WWOX: variants seen among roughly 807,000 people sequenced by gnomAD.
The protein encoded by WWOX is WW domain-containing oxidoreductase.
A neutral mutation model predicts 46.2 loss-of-function variants in WWOX; 69 were observed. The observed-to-expected ratio is 1.49, with a 90% CI of 1.23 to 1.82. WWOX has a LOEUF of 1.82. WWOX is among the 40% of genes most tolerant of loss of function. WWOX has a pLI of 0.00. For synonymous variants in WWOX, 359 were observed against 202.6 expected, an observed-to-expected ratio of 1.77 and a Z score of -6.56; for missense variants, 919 against 542.6, an observed-to-expected ratio of 1.69 and a Z score of -6.89.
At chr16:79,074,614 T>C (rs1372452318) in intron 8 of WWOX, among the ~76,000 whole-genome samples, 1 of 151,768 alleles carries the variant, frequency 6.6e-6, no homozygotes, top group Non-Finnish European at 1.5e-5. Flanking sequence ...AAGCTAGGAA[T>C]ACTAAGAACC....
At position 79,007,830 on chromosome 16, in the gene WWOX, C is replaced by T. The variant is rs149163857; in HGVS notation, c.1057-203778C>T. On this transcript the variant is annotated intron_variant, in intron 8 of 8. Coordinates refer to ENST00000566780, the MANE Select transcript of WWOX (RefSeq NM_016373.4). ...ATGGTAGAGAAAGTAATCATCATAA[C>T]CTCTGCCCTTTATTAGTCACTCATG... is the stretch of plus-strand genomic sequence containing the variant. Among the ~76,000 whole-genome samples, 104 of 152,268 alleles carry T rather than the reference C, an allele frequency of 6.8e-4. 1 individual carries two copies. The highest frequency in any genetic ancestry group is 2.3e-3 in the African/African-American group (97 of 41,550).
chr16:78,112,703 C>CTT (rs1191825699), intron 3 of WWOX, among the ~76,000 whole-genome samples: 15 of 114,242 alleles, frequency 1.3e-4, no homozygotes, highest in Non-Finnish European at 2.5e-4. Context: ...AGTTTTCTTT[C>CTT]TTTTTTTTTT....
intron 8 of WWOX, among the ~76,000 whole-genome samples, chr16:78,882,557 C>T (rs113742182): frequency 1.3e-5 from 2 of 151,694 alleles, no homozygotes; most frequent in East Asian, 2.0e-4. Context: ...GCTCACTGCA[C>T]CCTCCTTCTC....
chr16:79,052,711 C>G (rs1402125958), intron 8 of WWOX, among the ~76,000 whole-genome samples: 1 of 152,196 alleles, frequency 6.6e-6, no homozygotes, highest in Non-Finnish European at 1.5e-5. Flanking sequence ...TCTCCTTTGT[C>G]CGGTGTTCTC....
At chr16:78,868,296 G>C (rs1305080069) in intron 8 of WWOX, among the ~76,000 whole-genome samples, 1 of 152,082 alleles carries the variant, frequency 6.6e-6, no homozygotes, top group Non-Finnish European at 1.5e-5. Flanking sequence ...CATAGTATAT[G>C]ATGACATTTA....
chr16:78,526,382 C>G lies in WWOX; in HGVS notation c.1056+93630C>G, dbSNP rs546581685. ...CACTGGCTGTGACAAAGAAGGACCC[C>G]TCATGTGGGGGCCTAATTCTAGTGA... On this transcript the variant is annotated intron_variant, in intron 8 of 8. Coordinates refer to ENST00000566780, the MANE Select transcript of WWOX (RefSeq NM_016373.4). The G allele has an allele frequency of 5.3e-5, 8 of 152,362 alleles. No homozygotes were observed. The East Asian group carries it at 1.2e-3, about 22-fold the overall frequency. The allele number at this position is 152,362 out of a possible 1,614,324, so 9.4% of individuals were successfully genotyped here.
At chr16:79,070,419 C>T (rs544930795) in intron 8 of WWOX, among the ~76,000 whole-genome samples, 6 of 152,216 alleles carry the variant, frequency 3.9e-5, no homozygotes, top group Non-Finnish European at 5.9e-5. Flanking sequence ...TTGGAAATGA[C>T]GTATCAGTCC....
rs1216103021 is a variant in WWOX at position 78,815,301 on chromosome 16, G to C, written c.1056+382549G>C. Among the ~76,000 whole-genome samples, 4 of 151,658 alleles carry C rather than the reference G, an allele frequency of 2.6e-5. 1 individual carries two copies. Among genetic ancestry groups the C allele is most frequent in the Admixed American group, 1.3e-4 (2 of 15,244 alleles). On this transcript the variant is annotated intron_variant, in intron 8 of 8. Transcript: ENST00000566780. ...GATTGTGCCACTGCACTCCAGCCTG[G>C]CTGAGAGAATGAAACTCTGTCTCGA...
intron 6 of WWOX, among the ~76,000 whole-genome samples, chr16:78,415,273 G>C (rs574140626): frequency 3.3e-5 from 5 of 152,118 alleles, no homozygotes; most frequent in African/African-American, 1.2e-4. Flanking sequence ...GGTGCTGGTG[G>C]GAGTGTCTCT....
chr16:78,876,119 A>G (rs542571164), intron 8 of WWOX, among the ~76,000 whole-genome samples: 2 of 152,260 alleles, frequency 1.3e-5, no homozygotes, highest in East Asian at 1.9e-4. Context: ...ACTAGTTTAC[A>G]TGACTTTCTT....
At chr16:78,204,838 G>A (rs2036342713) in intron 5 of WWOX, among the ~76,000 whole-genome samples, 1 of 152,222 alleles carries the variant, frequency 6.6e-6, no homozygotes, top group East Asian at 1.9e-4. Context: ...GTTAGACCCT[G>A]TTGATTTTTA....
At chr16:79,155,689 G>A (rs1429110408) in intron 8 of WWOX, among the ~76,000 whole-genome samples, 4 of 152,246 alleles carry the variant, frequency 2.6e-5, no homozygotes, top group African/African-American at 7.2e-5. Flanking sequence ...GTTATAGGAG[G>A]TCAGGGAGGG....
At chr16:78,107,585 G>A (rs186587416) in intron 1 of WWOX, among the ~76,000 whole-genome samples, 1 of 151,682 alleles carries the variant, frequency 6.6e-6, no homozygotes, top group East Asian at 1.9e-4. Context: ...GATGCCCTAT[G>A]GGAAGGTCTT....
chr16:79,161,886 G>T (rs1339930425), intron 8 of WWOX, among the ~76,000 whole-genome samples: 1 of 152,126 alleles, frequency 6.6e-6, no homozygotes, highest in African/African-American at 2.4e-5. Flanking sequence ...TTGTTTCTTT[G>T]AGGGGAAATA....
chr16:78,142,630 T>G (rs2034026818), intron 4 of WWOX, among the ~76,000 whole-genome samples: 5 of 152,208 alleles, frequency 3.3e-5, no homozygotes, highest in Non-Finnish European at 7.3e-5. Context: ...GTGAATAACT[T>G]TAAATAAATA....
chr16:78,674,585 A>G lies in WWOX; in HGVS notation c.1056+241833A>G, dbSNP rs529542546. On this transcript the variant is annotated intron_variant, in intron 8 of 8. Transcript: ENST00000566780. Reference sequence around the variant, plus strand: ...CAGGCTTGAGCCACAGCACCCAGCCAGAACTTCATAGTTTACTCTTATTAT... The same window carrying G: ...CAGGCTTGAGCCACAGCACCCAGCCGGAACTTCATAGTTTACTCTTATTAT... Among the ~76,000 whole-genome samples, 103 of 152,260 alleles carry G rather than the reference A, an allele frequency of 6.8e-4. 1 individual carries two copies. The highest frequency in any genetic ancestry group is 3.4e-3 in the Middle Eastern group (1 of 294).
intron 8 of WWOX, among the ~76,000 whole-genome samples, chr16:79,063,512 CA>C (rs972705173): frequency 2.6e-5 from 4 of 152,170 alleles, no homozygotes; most frequent in African/African-American, 9.6e-5. Context: ...CAAAACCAAA[CA>C]AAAGCCTGCA....
chr16:78,772,344 C>G (rs546961333), intron 8 of WWOX, among the ~76,000 whole-genome samples: 3 of 152,092 alleles, frequency 2.0e-5, no homozygotes, highest in Non-Finnish European at 4.4e-5. Context: ...CTTCTAGCCC[C>G]GTCCGTGTTC....
At chr16:78,532,866 G>A (rs1241179276) in intron 8 of WWOX, among the ~76,000 whole-genome samples, 1 of 152,138 alleles carries the variant, frequency 6.6e-6, no homozygotes, top group Non-Finnish European at 1.5e-5. Context: ...GAAGAGATTT[G>A]GGTGGGTACA....
Sources: allele counts gnomAD v4.1 joint callset (sites outside exome capture counted in the v4.1 genomes callset), GRCh38; gene constraint gnomAD v4.1.1; transcripts MANE v1.5; gene names NCBI Gene and HGNC (gene_info 2026-07-23, HGNC 2026-07-21).